Variants in NKAIN2 observed in about 807,000 individuals in gnomAD.
NKAIN2 encodes sodium/potassium-transporting ATPase subunit beta-1-interacting protein 2.
In NKAIN2, 14 loss-of-function variants were observed where a neutral mutation model predicts 32.6. The ratio of observed to expected loss-of-function variants is 0.43; its 90% CI spans 0.28 to 0.67. NKAIN2 has a LOEUF of 0.67. Ranked by LOEUF, NKAIN2 falls within the 30% of genes least tolerant of loss-of-function variation. The probability of loss-of-function intolerance (pLI) is 0.17; values close to 1 mark genes in which losing one functional copy is unlikely to be tolerated. For synonymous variants in NKAIN2, 80 were observed against 87.2 expected, an observed-to-expected ratio of 0.92 and a Z score of 0.46; for missense variants, 198 against 258.3, an observed-to-expected ratio of 0.77 and a Z score of 1.60.
chr6:124,809,523 A>C (rs1287978187), intron 5 of NKAIN2, among the ~76,000 whole-genome samples: 1 of 150,730 alleles, frequency 6.6e-6, no homozygotes, highest in East Asian at 1.9e-4. Context: ...CTAAAACCAT[A>C]AAAACCCTAG....
intron 3 of NKAIN2, among the ~76,000 whole-genome samples, chr6:124,465,092 T>C (rs929336887): frequency 5.9e-5 from 9 of 151,994 alleles, no homozygotes; most frequent in African/African-American, 2.2e-4. Flanking sequence ...ACATCCCTTA[T>C]AAACAGAAAT....
At chr6:123,908,703 A>G (rs556887972) in intron 1 of NKAIN2, among the ~76,000 whole-genome samples, 3 of 152,328 alleles carry the variant, frequency 2.0e-5, no homozygotes, top group Non-Finnish European at 4.4e-5. Flanking sequence ...CGTACTGTTT[A>G]TCTGACTCAT....
At chr6:124,444,731 T>G (rs1775821552) in intron 3 of NKAIN2, among the ~76,000 whole-genome samples, 1 of 152,046 alleles carries the variant, frequency 6.6e-6, no homozygotes, top group African/African-American at 2.4e-5. Flanking sequence ...CCTGATCTTT[T>G]TTTATGTCCC....
chr6:123,930,688 GT>G (rs1200289509), intron 1 of NKAIN2, among the ~76,000 whole-genome samples: 1 of 152,118 alleles, frequency 6.6e-6, no homozygotes, highest in Non-Finnish European at 1.5e-5. Flanking sequence ...CCCCTGATAT[GT>G]TTTTGTAATA....
intron 4 of NKAIN2, among the ~76,000 whole-genome samples, chr6:124,759,114 G>A (rs796354213): frequency 7.9e-5 from 12 of 152,212 alleles, no homozygotes; most frequent in African/African-American, 2.6e-4. Context: ...GCATTAGCCC[G>A]AGAGAGTAAG....
chr6:124,709,292 A>T (rs965163605), intron 4 of NKAIN2, among the ~76,000 whole-genome samples: 4 of 148,750 alleles, frequency 2.7e-5, no homozygotes, highest in Non-Finnish European at 6.0e-5. Flanking sequence ...ATATTGGTCT[A>T]AAATTCTCTT....
chr6:124,314,922 C>G (rs1174557048), intron 2 of NKAIN2, among the ~76,000 whole-genome samples: 1 of 152,110 alleles, frequency 6.6e-6, no homozygotes, highest in Non-Finnish European at 1.5e-5. Context: ...TCATAAGTGC[C>G]TGGTGCCTAG....
intron 1 of NKAIN2, among the ~76,000 whole-genome samples, chr6:124,071,556 A>C (rs1783468999): frequency 6.6e-6 from 1 of 152,212 alleles, no homozygotes; most frequent in Non-Finnish European, 1.5e-5. Flanking sequence ...GAATGGGAGA[A>C]AATATTCACA....
At chr6:124,355,035 A>C (rs796535125) in intron 2 of NKAIN2, among the ~76,000 whole-genome samples, 5 of 149,254 alleles carry the variant, frequency 3.3e-5, no homozygotes, top group African/African-American at 9.8e-5. Context: ...ATGCCACTGC[A>C]CTCCAGCCTG....
chr6:123,878,814 G>A (rs7754050), intron 1 of NKAIN2, among the ~76,000 whole-genome samples: 12,226 of 151,502 alleles, frequency 0.081, 1,533 homozygotes, highest in African/African-American at 0.27. Flanking sequence ...CCTCTCCTTC[G>A]TTCTCCCTTC....
chr6:124,495,589 T>C (rs1387702014), intron 3 of NKAIN2, among the ~76,000 whole-genome samples: 1 of 152,150 alleles, frequency 6.6e-6, no homozygotes, highest in East Asian at 1.9e-4. Flanking sequence ...CTGACCACAC[T>C]TTGAGGAGCA....
intron 3 of NKAIN2, among the ~76,000 whole-genome samples, chr6:124,472,347 T>C (rs1023330207): frequency 1.3e-5 from 2 of 152,182 alleles, no homozygotes; most frequent in Non-Finnish European, 2.9e-5. Context: ...TACAATCCTA[T>C]ACTCAAGCAC....
At chr6:124,044,337 G>C (rs909351900) in intron 1 of NKAIN2, among the ~76,000 whole-genome samples, 3 of 152,078 alleles carry the variant, frequency 2.0e-5, no homozygotes, top group African/African-American at 7.2e-5. Flanking sequence ...TATAAAAACT[G>C]TGGAATGTTT....
At chr6:124,248,481 G>A (rs765868748) in intron 1 of NKAIN2, among the ~76,000 whole-genome samples, 14 of 151,916 alleles carry the variant, frequency 9.2e-5, no homozygotes, top group Non-Finnish European at 1.8e-4. Flanking sequence ...TACTTCAAAA[G>A]TGAGTTAACT....
chr6:124,671,087 C>A (rs1489510319), intron 4 of NKAIN2, among the ~76,000 whole-genome samples: 1 of 152,018 alleles, frequency 6.6e-6, no homozygotes, highest in African/African-American at 2.4e-5. Flanking sequence ...CCAAACAGAG[C>A]AGAACCACGA....
At chr6:124,734,061 G>GCACACACACACA (rs61526747) in intron 4 of NKAIN2, among the ~76,000 whole-genome samples, 2,105 of 145,300 alleles carry the variant, frequency 0.014, 16 homozygotes, top group Middle Eastern at 0.021. Flanking sequence ...ATGAGGAAAT[G>GCACACACACACA]CACACACACA....
rs564063309 is a variant in NKAIN2, at chr6:124,747,422, C to G, written c.475-43917C>G. Among the ~76,000 whole-genome samples the G allele has an allele frequency of 8.6e-5, 13 of 151,894 alleles. No homozygotes were observed. In the East Asian group the frequency reaches 1.2e-3, roughly 14 times the overall value. On this transcript the variant is annotated intron_variant, in intron 4 of 6. Coordinates refer to ENST00000368417, the MANE Select transcript of NKAIN2 (RefSeq NM_001040214.3). ...AGCCATAATCAAGAAATATGTTAAG[C>G]CTTATGTCAATTAACTTAACTGATG...
intron 4 of NKAIN2, among the ~76,000 whole-genome samples, chr6:124,727,438 T>A (rs1776386751): frequency 6.7e-6 from 1 of 150,330 alleles, no homozygotes; most frequent in Admixed American, 6.6e-5. Context: ...CAACCCAGAA[T>A]TTCATATCCA....
rs577623987 is a variant in NKAIN2, at chr6:123,868,024, A to G, written c.54+63770A>G. 9.1e-4 allele frequency among the ~76,000 whole-genome samples: 138 copies of G among 152,068 alleles called. 1 individual carries two copies. The highest frequency in any genetic ancestry group is 8.7e-4 in the Non-Finnish European group (59 of 67,970). ...GCTGGGACTACAGGCGCACACCACC[A>G]CACCCGGCTAATTTTTTGTATTTTT... is the stretch of plus-strand genomic sequence containing the variant. On this transcript the variant is annotated intron_variant, in intron 1 of 6. Transcript: ENST00000368417.
Sources: gnomAD v4.1 joint callset for allele counts (sites outside exome capture counted in the v4.1 genomes callset) on GRCh38, gnomAD v4.1.1 for gene constraint, MANE v1.5 for transcripts, NCBI Gene and HGNC (gene_info 2026-07-23, HGNC 2026-07-21) for gene names.